Variants in POGZ observed in about 807,000 individuals in gnomAD.
The protein encoded by POGZ is pogo transposable element with ZNF domain.
In POGZ, 17 loss-of-function variants were observed where a neutral mutation model predicts 134.6. The ratio of observed to expected loss-of-function variants is 0.13; its 90% CI spans 0.09 to 0.19. The LOEUF is 0.19. Ranked by LOEUF, POGZ falls within the 10% of genes least tolerant of loss-of-function variation. The pLI, the probability that POGZ is intolerant of heterozygous loss-of-function variation, is 1.00. For synonymous variants in POGZ, 693 were observed against 657.1 expected, an observed-to-expected ratio of 1.05 and a Z score of -0.84; for missense variants, 1,306 against 1,769.7, an observed-to-expected ratio of 0.74 and a Z score of 4.70.
intron 1 of POGZ, among the ~76,000 whole-genome samples, chr1:151,451,382 A>T (rs1662057613): frequency 6.6e-6 from 1 of 151,846 alleles, no homozygotes; most frequent in Non-Finnish European, 1.5e-5. Flanking sequence ...GCTGGAGCCC[A>T]ATGGCGCGAT....
chr1:151,458,344 T>G lies in POGZ; in HGVS notation c.-2+808A>C, dbSNP rs370520528. 1.2e-3 allele frequency among the ~76,000 whole-genome samples: 187 copies of G among 152,116 alleles called. 4 individuals are homozygous for G. In the South Asian group the frequency reaches 0.038, roughly 31 times the overall value. On this transcript the variant is annotated intron_variant, in intron 1 of 18. Transcript: ENST00000271715. ...GGACATAATCACCAGAAAATAAAGATTCCCCGCCTCATTCCATTTTATAAA... is the reference window on the plus strand; with the variant it reads ...GGACATAATCACCAGAAAATAAAGAGTCCCCGCCTCATTCCATTTTATAAA...
intron 10 of POGZ, among the ~76,000 whole-genome samples, chr1:151,422,038 C>T (rs1390277713): frequency 1.3e-5 from 2 of 152,180 alleles, no homozygotes; most frequent in African/African-American, 2.4e-5. Context: ...TGTGAGCCAC[C>T]ACACCCAGTC....
intron 15 of POGZ, 53 bp downstream of exon 15, chr1:151,408,046 AG>A (rs372607125): frequency 9.1e-6 from 13 of 1,421,900 alleles, no homozygotes; most frequent in South Asian, 7.8e-5. Context: ...AAGAAGAAGA[AG>A]AAAAAAAGAA....
intron 3 of POGZ, among the ~76,000 whole-genome samples, chr1:151,432,265 T>C (rs1204158712): frequency 6.6e-6 from 1 of 152,110 alleles, no homozygotes; most frequent in Non-Finnish European, 1.5e-5. Context: ...CAGAATGGGA[T>C]GGGCCCCTCT....
intron 10 of POGZ, among the ~76,000 whole-genome samples, chr1:151,421,010 T>G (rs931246887): frequency 1.4e-5 from 2 of 144,984 alleles, no homozygotes; most frequent in Non-Finnish European, 3.0e-5. Flanking sequence ...TATATATACC[T>G]ATGATAAAGT....
intron 12 of POGZ, among the ~76,000 whole-genome samples, chr1:151,410,869 C>T (rs1355136018): frequency 6.6e-6 from 1 of 152,230 alleles, no homozygotes; most frequent in African/African-American, 2.4e-5. Context: ...TTAACTACTG[C>T]ATTGCTACCT....
At chr1:151,411,862 TA>T (rs748256178) in intron 11 of POGZ, 91 bp from the exon 12 acceptor site, 23,798 of 916,698 alleles carry the variant, frequency 0.026, 2 homozygotes, top group South Asian at 0.039. Flanking sequence ...ATTTTTAAAT[TA>T]AAAAAAAAAA....
chr1:151,440,047 A>G (rs943967313), intron 3 of POGZ, among the ~76,000 whole-genome samples: 5 of 152,148 alleles, frequency 3.3e-5, no homozygotes, highest in Non-Finnish European at 7.4e-5. Context: ...CAACTTGTAT[A>G]ATCTTTTTTT....
At chr1:151,439,822 G>A (rs943835594) in intron 3 of POGZ, among the ~76,000 whole-genome samples, 4 of 152,274 alleles carry the variant, frequency 2.6e-5, no homozygotes, top group Non-Finnish European at 5.9e-5. Flanking sequence ...ATTTGTTTCA[G>A]AAATATATTT....
intron 3 of POGZ, among the ~76,000 whole-genome samples, chr1:151,437,650 G>C (rs1037266017): frequency 1.3e-5 from 2 of 151,898 alleles, no homozygotes; most frequent in Non-Finnish European, 2.9e-5. Flanking sequence ...TACTGGGGTG[G>C]GTGAGGCATG....
In POGZ at chr1:151,403,749, T is replaced by TTAAA. The variant is rs1653103780; in HGVS notation, c.*1052_*1053insTTTA. ...TGGATTTCAACAAGTGGTCTTGTCT[T>TTAAA]TTTAAAGTTCAACACTTCTTGAACA... On this transcript the variant is annotated 3_prime_UTR_variant, in exon 19 of 19. Transcript: ENST00000271715. 1.0e-6 allele frequency: 1 copy of TTAAA among 985,740 alleles called. No homozygotes were observed. The highest frequency in any genetic ancestry group is 1.2e-6 in the Non-Finnish European group (1 of 829,916). The allele number at this position is 985,740 out of a possible 1,614,324, so 61.1% of individuals were successfully genotyped here.
intron 4 of POGZ, 137 bp from the exon 5 acceptor site, chr1:151,429,848 G>A (rs1238957294): frequency 8.6e-6 from 4 of 464,348 alleles, no homozygotes; most frequent in South Asian, 3.9e-5. Context: ...GGTTTCAAAT[G>A]ACTGAGAGGG....
intron 1 of POGZ, 139 bp downstream of exon 1, chr1:151,459,013 G>GGCC (rs1663177292): frequency 1.4e-5 from 2 of 142,050 alleles, no homozygotes; most frequent in African/African-American, 2.5e-5. Context: ...CGCACCGCCG[G>GGCC]CCCCCCGCCC....
chr1:151,413,371 A>C lies in POGZ; in HGVS notation c.1679-975T>G, dbSNP rs552226256. ...CTGGCCTCAAGCAATCCTTTTGTCA[A>C]TCCACTTCAGTCTCCCAAAGTGCTA... On this transcript the variant is annotated intron_variant, in intron 10 of 18. Transcript: ENST00000271715. Among the ~76,000 whole-genome samples the C allele has an allele frequency of 2.0e-5, 3 of 152,064 alleles. No homozygotes were observed. The East Asian group carries it at 5.8e-4, about 29-fold the overall frequency.
At chr1:151,441,694 C>A (rs1660551922) in intron 2 of POGZ, among the ~76,000 whole-genome samples, 1 of 152,040 alleles carries the variant, frequency 6.6e-6, no homozygotes, top group African/African-American at 2.4e-5. Context: ...AAACCAAGTT[C>A]AAGTAAAACA....
At chr1:151,419,858 T>G (rs1446717538) in intron 10 of POGZ, among the ~76,000 whole-genome samples, 1 of 152,058 alleles carries the variant, frequency 6.6e-6, no homozygotes. Flanking sequence ...AAAAGATCAA[T>G]GAGGGTCTAC....
At chr1:151,412,924 T>C (rs1654917655) in intron 10 of POGZ, among the ~76,000 whole-genome samples, 2 of 152,116 alleles carry the variant, frequency 1.3e-5, no homozygotes, top group Non-Finnish European at 1.5e-5. Context: ...TTGTCAAGCT[T>C]ATGAGAAAAA....
chr1:151,415,577 A>G (rs374350492), intron 10 of POGZ, among the ~76,000 whole-genome samples: 3 of 151,572 alleles, frequency 2.0e-5, no homozygotes, highest in African/African-American at 7.3e-5. Flanking sequence ...AGGCTGAGGC[A>G]GAAGAATGGC....
intron 1 of POGZ, among the ~76,000 whole-genome samples, chr1:151,458,453 A>G (rs1441008109): frequency 4.6e-5 from 7 of 152,074 alleles, no homozygotes; most frequent in Non-Finnish European, 1.0e-4. Flanking sequence ...CTTAGGATGT[A>G]CTATTAGACC....
Sources: allele counts gnomAD v4.1 joint callset (sites outside exome capture counted in the v4.1 genomes callset), GRCh38; gene constraint gnomAD v4.1.1; transcripts MANE v1.5; gene names NCBI Gene and HGNC (gene_info 2026-07-23, HGNC 2026-07-21).